The following TTN variants were observed in gnomAD, a reference collection of about 807,000 sequenced individuals.
TTN encodes connectin.
In TTN, 1,525 loss-of-function variants were observed where a neutral mutation model predicts 3,223.0. The ratio of observed to expected loss-of-function variants is 0.47; its 90% confidence interval spans 0.45 to 0.49. TTN has a LOEUF of 0.49. TTN is among the 20% of genes least tolerant of loss of function. The pLI is 0.00. For synonymous variants in TTN, 14,094 were observed against 15,161.0 expected (o/e 0.93, Z 5.17); for missense variants, 40,786 against 43,424.0 (o/e 0.94, Z 5.40).
In TTN at chr2:178,563,374, A is replaced by G; in HGVS notation, c.82758T>C (p.Ser27586=). The G allele has an allele frequency of 6.2e-7, 1 of 1,613,572 alleles. No homozygotes were observed. The highest frequency in any genetic ancestry group is 8.5e-7 in the Non-Finnish European group (1 of 1,179,698). ...TTGGCTTACTCCATGCCAGGGAGACAGAAGATCTGGAAGTGTCCGTCACTT... is the reference window on the plus strand; with the variant it reads ...TTGGCTTACTCCATGCCAGGGAGACGGAAGATCTGGAAGTGTCCGTCACTT... ...NPKVTDTSRS[S]VSLAWSKPIY... The change falls in exon 326 of 363, where the codon TCT becomes TCC. Residue 27586 remains serine (S), a synonymous_variant. Coordinates refer to ENST00000589042, the MANE Select transcript of TTN (RefSeq NM_001267550.2). The surrounding 1 kb of genome is among the most constrained non-coding windows in gnomAD (Gnocchi z 4.5).
chr2:178,722,841 G>C lies in TTN; in HGVS notation c.22058C>G (p.Thr7353Arg). Residue 7353 changes from threonine (T) to arginine (R), a missense_variant, in exon 76 of 363, where the codon ACA (threonine) becomes AGA (arginine). Transcript: ENST00000589042. ...GGTATCTCCTTTGTACCAAGACACT[G>C]TAATTTCTGGTGTCCCAGCAACTTG... is the stretch of plus-strand genomic sequence containing the variant. ...QCQVAGTPEI[T>R]VSWYKGDTKL... is the part of the protein sequence containing the mutation. 6.2e-7 allele frequency: 1 copy of C among 1,613,252 alleles called. No individual in the cohort carries two copies. Among genetic ancestry groups the C allele is most frequent in the Non-Finnish European group, 8.5e-7 (1 of 1,179,518 alleles).
In TTN at chr2:178,607,619, A is replaced by G. The variant is rs370469461; in HGVS notation, c.53069T>C (p.Leu17690Pro). 6 of 1,612,950 alleles carry G rather than the reference A, an allele frequency of 3.7e-6. No individual in the cohort carries two copies. In the African/African-American group the frequency reaches 6.7e-5, roughly 18 times the overall value. Residue 17690 changes from leucine to proline, a missense_variant, in exon 277 of 363, where the codon CTT becomes CCT. Leu to Pro is a moderately conservative substitution (Grantham distance 98). Coordinates refer to ENST00000589042, the MANE Select transcript of TTN (RefSeq NM_001267550.2). Reference sequence around the variant, plus strand: ...ACCAGTCACCACAGCTGGAATTCTAAGAGTCTTCCCAGCCATTATTTGTAT... The same window carrying G: ...ACCAGTCACCACAGCTGGAATTCTAGGAGTCTTCCCAGCCATTATTTGTAT... Reference protein sequence around the residue: ...GGIQIMAGKTLRIPAVVTGRP... With the variant: ...GGIQIMAGKTPRIPAVVTGRP...
At chr2:178,676,168 C>A (rs2068042690) in intron 147 of TTN, 173 bp from the exon 148 acceptor site, 2 of 585,466 alleles carry the variant, frequency 3.4e-6, no homozygotes, top group African/African-American at 1.9e-5. Flanking sequence ...AAGCAAGGGA[C>A]CAGCAGCATA....
chr2:178,565,946 G>A lies in TTN; in HGVS notation c.80186C>T (p.Ala26729Val), dbSNP rs747650124. Residue 26729 changes from alanine (A) to valine (V), a missense_variant, in exon 326 of 363, where the codon GCG becomes GTG. By Grantham distance (64) the Ala-to-Val change is moderately conservative (BLOSUM62 0). Coordinates refer to ENST00000589042, the MANE Select transcript of TTN (RefSeq NM_001267550.2). ...GCATTTACTACTCACATTAGCATAC[G>A]CTTTTCTGGTTGACTCACGTTTGTC... Reference protein sequence around the residue: ...VIDKRESTRKAYANVSSKCSK... With the variant: ...VIDKRESTRKVYANVSSKCSK... The A allele has an allele frequency of 1.8e-5, 29 of 1,613,420 alleles. No individual in the cohort carries two copies. Among genetic ancestry groups the A allele is most frequent in the African/African-American group, 6.7e-5 (5 of 74,870 alleles).
At chr2:178,785,298 C>T (rs1376963317) in intron 15 of TTN, among the ~76,000 whole-genome samples, 4 of 152,150 alleles carry the variant, frequency 2.6e-5, no homozygotes, top group Non-Finnish European at 5.9e-5. Context: ...AACACACTAC[C>T]TTTCACAAAA....
chr2:178,786,039 A>G lies in TTN; in HGVS notation c.2179T>C (p.Tyr727His), dbSNP rs764510463. ...PREPGHLEES[Y>H]AQQTTLEYGY... ...TACTCCAAAGTGGTCTGCTGAGCAT[A>G]GGATTCTTCAAGATGCCCAGGCTCT... The change falls in exon 14 of 363, where the codon TAT (tyrosine) becomes CAT (histidine). Residue 727 changes from tyrosine (Y) to histidine (H), a missense_variant. Physicochemically the swap from Tyr to His is moderately conservative, Grantham distance 83. Transcript: ENST00000589042. 3.1e-6 allele frequency: 5 copies of G among 1,614,144 alleles called. No individual in the cohort carries two copies. Among genetic ancestry groups the G allele is most frequent in the Middle Eastern group, 1.6e-4 (1 of 6,062 alleles).
intron 311 of TTN, 114 bp downstream of exon 311, chr2:178,584,162 C>A (rs1295331246): frequency 1.6e-6 from 2 of 1,249,946 alleles, no homozygotes; most frequent in Non-Finnish European, 2.2e-6. Context: ...GAGTTGTAAT[C>A]TTCAGATCTC....
In TTN at chr2:178,536,928, T is replaced by C. The variant is rs1575317781; in HGVS notation, c.100171+10A>G. On this transcript the variant is annotated intron_variant, in intron 356 of 362. Transcript: ENST00000589042. The stretch of plus-strand genomic sequence containing the variant: ...ACCATAGGAAGATACAGAAATCAAG[T>C]TGTACTCACCAAATGGACTCTTAAT... 2 of 1,581,452 alleles carry C rather than the reference T, an allele frequency of 1.3e-6. No homozygotes were observed. The highest frequency in any genetic ancestry group is 1.2e-5 in the South Asian group (1 of 86,002).
rs753009359 is a variant in TTN at position 178,799,491 on chromosome 2, C to T, written c.910G>A (p.Val304Ile). 7.4e-6 allele frequency: 12 copies of T among 1,614,014 alleles called. No homozygotes were observed. Among genetic ancestry groups the T allele is most frequent in the Non-Finnish European group, 1.0e-5 (12 of 1,180,008 alleles). The change falls in exon 6 of 363, where the codon GTC (valine) becomes ATC (isoleucine). Residue 304 changes from valine to isoleucine, a missense_variant. Transcript: ENST00000589042. Reference sequence around the variant, plus strand: ...CTCTCTCTATGGCAGCTTTACCTGACCGGAGATGGGGTCGGTGCCCGCACG... The same window carrying T: ...CTCTCTCTATGGCAGCTTTACCTGATCGGAGATGGGGTCGGTGCCCGCACG... ...RHVRAPTPSPVRSVSPAARIS... is the reference protein window; with the variant it reads ...RHVRAPTPSPIRSVSPAARIS...
chr2:178,555,190 T>A (rs1192415150), intron 330 of TTN, 38 bp from the exon 331 acceptor site: 1 of 1,572,194 alleles, frequency 6.4e-7, no homozygotes, highest in Admixed American at 2.0e-5. Context: ...TAAAATATTA[T>A]AAGGATGGAA....
rs946264222 is a variant in TTN at position 178,694,508 on chromosome 2, ATTTGTGAGT to A, written c.31426+82_31426+90del. 19 of 876,452 alleles carry A rather than the reference ATTTGTGAGT, an allele frequency of 2.2e-5. No individual in the cohort carries two copies. In the African/African-American group the frequency reaches 3.3e-4, roughly 15 times the overall value. 54.3% of individuals were successfully genotyped at this position (876,452 alleles called of 1,614,324 possible). A position where few individuals can be genotyped will look rare whatever the true frequency, so the allele number is the denominator to read the frequency against. ...AATGTGCTGTTTTTGGTCGTTTCAG[ATTTGTGAGT>A]TACTTAGCAATATATGTACACATGT... On this transcript the variant is annotated intron_variant, in intron 117 of 362. Coordinates refer to ENST00000589042, the MANE Select transcript of TTN (RefSeq NM_001267550.2).
Position 178,632,240 on chromosome 2 carries a change from A to G in TTN, c.43654T>C (p.Ser14552Pro). 1.2e-6 allele frequency: 2 copies of G among 1,608,230 alleles called. No individual in the cohort carries two copies. The highest frequency in any genetic ancestry group is 1.7e-6 in the Non-Finnish European group (2 of 1,177,088). Residue 14552 changes from serine (S) to proline (P), a missense_variant, in exon 236 of 363, where the codon TCG becomes CCG. Ser to Pro is a moderately conservative substitution (Grantham distance 74). Coordinates refer to ENST00000589042, the MANE Select transcript of TTN (RefSeq NM_001267550.2). ...VSMQDEGKTH[S>P]ITFKDLSIDD... ...ATAGACAGGTCTTTGAATGTGATCGAATGAGTTTTCCCTTCGTCTTGCATT... is the reference window on the plus strand; with the variant it reads ...ATAGACAGGTCTTTGAATGTGATCGGATGAGTTTTCCCTTCGTCTTGCATT...
intron 119 of TTN, 60 bp downstream of exon 119, chr2:178,693,549 C>T (rs1308173031): frequency 1.9e-5 from 22 of 1,186,884 alleles, no homozygotes; most frequent in Non-Finnish European, 2.6e-5. Context: ...AAATGTTTTA[C>T]TATGGTATTT....
intron 110 of TTN, 35 bp downstream of exon 110, chr2:178,701,493 G>T: frequency 6.3e-7 from 1 of 1,598,026 alleles, no homozygotes; most frequent in Non-Finnish European, 8.5e-7. Context: ...GAATATTGCT[G>T]CTCCAAGCTC....
chr2:178,553,840 C>T (rs1700279028), intron 333 of TTN, 33 bp from the exon 334 acceptor site: 9 of 1,560,712 alleles, frequency 5.8e-6, no homozygotes, highest in Non-Finnish European at 7.8e-6. Flanking sequence ...AATAATTACA[C>T]AATCATGTAC....
In TTN at chr2:178,573,292, T is replaced by G; in HGVS notation, c.72840A>C (p.Leu24280Phe). 1 of 1,587,962 alleles carries G rather than the reference T, an allele frequency of 6.3e-7. No individual in the cohort carries two copies. Among genetic ancestry groups the G allele is most frequent in the East Asian group, 2.2e-5 (1 of 44,532 alleles). ...IKCNKKTLTD[L>F]RYKVSGLTEG... is the part of the protein sequence containing the mutation. ...CTGTCAGTCCAGACACTTTATATCT[T>G]AAATCAGTAAGAGTTTTTTTGTTGC... The change falls in exon 326 of 363, where the codon TTA becomes TTC. Residue 24280 changes from leucine (L) to phenylalanine (F), a missense_variant. Leu to Phe is a conservative substitution (Grantham distance 22). Transcript: ENST00000589042.
intron 219 of TTN, 66 bp from the exon 220 acceptor site, chr2:178,641,381 C>G (rs1237670998): frequency 1.1e-6 from 1 of 930,034 alleles, no homozygotes; most frequent in African/African-American, 1.8e-5. Flanking sequence ...ATAAGCTTGA[C>G]AAATGCAAAT....
At position 178,533,232 on chromosome 2, in the gene TTN, C is replaced by T. The variant is rs766762196; in HGVS notation, c.103383G>A (p.Gln34461=). ...CATGCTCCTCCTTACTCTTGAATTC[C>T]TGTTTCTTGTACCTCAGGCGTTCCA... The part of the protein sequence containing the change: ...LQVERLRYKK[Q]EFKSKEEHER... Residue 34461 remains glutamine, a synonymous_variant, in exon 358 of 363, where the codon CAG becomes CAA. Transcript: ENST00000589042. 3.1e-6 allele frequency: 5 copies of T among 1,613,884 alleles called. No homozygotes were observed. The South Asian group carries it at 4.4e-5, about 14-fold the overall frequency.
chr2:178,701,671 C>A, intron 109 of TTN, 84 bp from the exon 110 acceptor site: 1 of 1,342,960 alleles, frequency 7.4e-7, no homozygotes, highest in Non-Finnish European at 1.1e-6. Flanking sequence ...TTTATTAGAT[C>A]CTGAGATATG....
Sources: allele counts gnomAD v4.1 joint callset (sites outside exome capture counted in the v4.1 genomes callset), GRCh38; gene constraint gnomAD v4.1.1; non-coding constraint Gnocchi (gnomAD v3.1); transcripts MANE v1.5; gene names NCBI Gene and HGNC (gene_info 2026-07-23, HGNC 2026-07-21).